Variants in BTLA observed in about 807,000 individuals in gnomAD.
BTLA encodes the protein B and T lymphocyte associated, also known as B- and T-lymphocyte attenuator.
BTLA carries 11 observed loss-of-function variants against 25.0 expected under a neutral mutation model. The ratio of observed to expected loss-of-function variants is 0.44; its 90% CI spans 0.28 to 0.73. The LOEUF (loss-of-function observed/expected upper bound fraction) is 0.73, where lower values mean the gene tolerates loss of function less well. Ranked by LOEUF, BTLA falls within the 30% of genes least tolerant of loss-of-function variation. The pLI is 0.15. For synonymous variants in BTLA, 104 were observed against 119.8 expected, an observed-to-expected ratio of 0.87 and a Z score of 0.86; for missense variants, 282 against 332.8, an observed-to-expected ratio of 0.85 and a Z score of 1.19.
At chr3:112,485,103 G>A (rs1576687086) in intron 1 of BTLA, among the ~76,000 whole-genome samples, 1 of 152,152 alleles carries the variant, frequency 6.6e-6, no homozygotes, top group African/African-American at 2.4e-5. Context: ...GGAGTACAGT[G>A]ATGCAATTTC....
chr3:112,480,406 G>A (rs959187007), intron 1 of BTLA, among the ~76,000 whole-genome samples: 1 of 152,202 alleles, frequency 6.6e-6, no homozygotes, highest in Admixed American at 6.5e-5. Context: ...GGACACATGA[G>A]ACACTGTCTT....
intron 1 of BTLA, among the ~76,000 whole-genome samples, chr3:112,491,234 A>C (rs2082378294): frequency 6.6e-6 from 1 of 152,152 alleles, no homozygotes; most frequent in Non-Finnish European, 1.5e-5. Context: ...CATTTAGGAG[A>C]TCACCTCTAG....
chr3:112,495,338 T>C (rs1008302377), intron 1 of BTLA, among the ~76,000 whole-genome samples: 1 of 152,194 alleles, frequency 6.6e-6, no homozygotes, highest in Non-Finnish European at 1.5e-5. Context: ...CCTGTAAATA[T>C]TTTTCTTTTA....
At chr3:112,484,564 C>T (rs775164069) in intron 1 of BTLA, among the ~76,000 whole-genome samples, 9 of 152,208 alleles carry the variant, frequency 5.9e-5, no homozygotes, top group East Asian at 1.9e-4. Flanking sequence ...ACTGAAACTA[C>T]GAAACCACTT....
chr3:112,473,684 G>A (rs1169551650), intron 2 of BTLA, among the ~76,000 whole-genome samples: 2 of 141,996 alleles, frequency 1.4e-5, no homozygotes, highest in South Asian at 2.2e-4. Flanking sequence ...GTGCAATCTC[G>A]GTTCACTGCA....
intron 1 of BTLA, among the ~76,000 whole-genome samples, chr3:112,484,230 T>C (rs1303805720): frequency 5.3e-5 from 8 of 152,198 alleles, no homozygotes; most frequent in Non-Finnish European, 1.2e-4. Context: ...CTTAGTGATA[T>C]GGAGACCACT....
At chr3:112,482,572 C>G (rs2082323596) in intron 1 of BTLA, among the ~76,000 whole-genome samples, 1 of 152,214 alleles carries the variant, frequency 6.6e-6, no homozygotes, top group Non-Finnish European at 1.5e-5. Context: ...CTGCTCACAT[C>G]TCATGAATCT....
At chr3:112,480,200 T>C (rs1266591380) in intron 1 of BTLA, among the ~76,000 whole-genome samples, 1 of 152,208 alleles carries the variant, frequency 6.6e-6, no homozygotes, top group Non-Finnish European at 1.5e-5. Flanking sequence ...TCCCCACCCT[T>C]GAGAATGTAT....
chr3:112,485,322 G>C (rs2633556), intron 1 of BTLA, among the ~76,000 whole-genome samples: 22,695 of 152,094 alleles, frequency 0.15, 3,518 homozygotes, highest in African/African-American at 0.38. Context: ...TGGGATTACA[G>C]GAGTGAGCCA....
At chr3:112,491,084 A>G (rs1246540179) in intron 1 of BTLA, among the ~76,000 whole-genome samples, 1 of 152,186 alleles carries the variant, frequency 6.6e-6, no homozygotes, top group Admixed American at 6.5e-5. Flanking sequence ...TCATTCTAGT[A>G]TTTGTCATTG....
chr3:112,479,919 T>C (rs1014288171), intron 1 of BTLA, 150 bp from the exon 2 acceptor site: 6 of 628,084 alleles, frequency 9.6e-6, no homozygotes, highest in Middle Eastern at 4.3e-4. Context: ...GAATGTCTCA[T>C]ACATATTAGG....
chr3:112,466,327 T>A lies in BTLA; in HGVS notation c.651A>T (p.Gln217His). 2 of 1,613,620 alleles carry A rather than the reference T, an allele frequency of 1.2e-6. No homozygotes were observed. Among genetic ancestry groups the A allele is most frequent in the Non-Finnish European group, 1.7e-6 (2 of 1,179,730 alleles). ...QTEASTRQNSQVLLSETGIYD... is the reference protein window; with the variant it reads ...QTEASTRQNSHVLLSETGIYD... ...AAATTCCAGTTTCTGATAGCAGTACTTGGGAATTTTGCCTGGTGCTTGCTT... is the reference window on the plus strand; with the variant it reads ...AAATTCCAGTTTCTGATAGCAGTACATGGGAATTTTGCCTGGTGCTTGCTT... The change falls in exon 5 of 5, where the codon CAA becomes CAT. Residue 217 changes from glutamine (Q) to histidine (H), a missense_variant. Physicochemically the swap from Gln to His is conservative, Grantham distance 24 (BLOSUM62 0). Around this residue, in one of 2 missense-constraint regions of BTLA, gnomAD observed 119 missense variants for 102.3 expected, o/e 1.16. Transcript: ENST00000334529.
chr3:112,497,035 A>G (rs2082413093), intron 1 of BTLA, among the ~76,000 whole-genome samples: 1 of 152,132 alleles, frequency 6.6e-6, no homozygotes. Flanking sequence ...GCCATATTTC[A>G]TTTTCTGAAT....
chr3:112,475,399 A>C (rs2082283856), intron 2 of BTLA, among the ~76,000 whole-genome samples: 1 of 152,192 alleles, frequency 6.6e-6, no homozygotes. Flanking sequence ...AAACCCCCCA[A>C]GGCACAGGAT....
At chr3:112,469,953 T>C in intron 3 of BTLA, 149 bp from the exon 4 acceptor site, 3 of 605,404 alleles carry the variant, frequency 5.0e-6, no homozygotes, top group South Asian at 3.7e-5. Context: ...CACACTTGTT[T>C]GTGATAATTC....
chr3:112,469,694 GAATA>G (rs2082251839), intron 4 of BTLA, 60 bp downstream of exon 4: 10 of 1,305,404 alleles, frequency 7.7e-6, no homozygotes, highest in Admixed American at 7.3e-5. Flanking sequence ...TAAATTCATT[GAATA>G]AATAAATAAA....
chr3:112,479,196 A>T (rs2107320435), intron 2 of BTLA, among the ~76,000 whole-genome samples: 3 of 152,330 alleles, frequency 2.0e-5, no homozygotes, highest in Middle Eastern at 6.8e-3. Context: ...GGACTTATCA[A>T]ATAAATTTTA....
At chr3:112,487,446 A>G (rs2082354508) in intron 1 of BTLA, among the ~76,000 whole-genome samples, 1 of 152,142 alleles carries the variant, frequency 6.6e-6, no homozygotes, top group African/African-American at 2.4e-5. Context: ...TTAGCTGGGT[A>G]TGGTGGCGCA....
At chr3:112,476,742 G>T (rs115242275) in intron 2 of BTLA, among the ~76,000 whole-genome samples, 1,653 of 152,238 alleles carry the variant, frequency 0.011, 24 homozygotes, top group African/African-American at 0.038. Flanking sequence ...TAAATGGCAT[G>T]TAAGATACTC....
Sources: allele counts gnomAD v4.1 joint callset (sites outside exome capture counted in the v4.1 genomes callset), GRCh38; gene constraint gnomAD v4.1.1; regional missense constraint gnomAD v4.1.1; transcripts MANE v1.5; gene names NCBI Gene and HGNC (gene_info 2026-07-23, HGNC 2026-07-21).